SARAF: variants seen among roughly 807,000 people sequenced by gnomAD.
The protein encoded by SARAF is store-operated calcium entry-associated regulatory factor.
Under a neutral mutation model 39.7 loss-of-function variants are expected in SARAF, and 23 were observed. The observed-to-expected ratio is 0.58, with a 90% CI of 0.42 to 0.82. The LOEUF is 0.82. SARAF is among the 40% of genes least tolerant of loss of function. The probability of loss-of-function intolerance (pLI) is 0.00; values close to 1 mark genes in which losing one functional copy is unlikely to be tolerated. For synonymous variants in SARAF, 175 were observed against 168.5 expected (o/e 1.04, Z -0.30); for missense variants, 384 against 418.5 (o/e 0.92, Z 0.72).
intron 1 of SARAF, among the ~76,000 whole-genome samples, chr8:30,081,146 A>G (rs1459775418): frequency 1.3e-5 from 2 of 152,208 alleles, no homozygotes; most frequent in African/African-American, 4.8e-5. Context: ...TCAAAAAAAC[A>G]AAACAAAACA....
Position 30,073,979 on chromosome 8 carries a change from G to T in SARAF, c.180C>A (p.Pro60=). 6.2e-7 allele frequency: 1 copy of T among 1,614,180 alleles called. No homozygotes were observed. Among genetic ancestry groups the T allele is most frequent in the Non-Finnish European group, 8.5e-7 (1 of 1,180,038 alleles). The change falls in exon 2 of 6, where the codon CCC becomes CCA. Residue 60 remains proline, a synonymous_variant. Transcript: ENST00000256255. ...CTCCAACACATTTCAACTGTGGGAT[G>T]GGATCCAGCCTGCGGGAGGTGGTAT... ...DRYTTSRRLD[P]IPQLKCVGGT... is the part of the protein sequence containing the mutation.
intron 1 of SARAF, among the ~76,000 whole-genome samples, chr8:30,074,875 G>A (rs1801923095): frequency 6.6e-6 from 1 of 152,010 alleles, no homozygotes; most frequent in Non-Finnish European, 1.5e-5. Context: ...AAATACTTTA[G>A]GTATTTCATA....
At chr8:30,065,362 T>C (rs1193038097) in intron 5 of SARAF, among the ~76,000 whole-genome samples, 1 of 152,220 alleles carries the variant, frequency 6.6e-6, no homozygotes, top group African/African-American at 2.4e-5. Flanking sequence ...CAAACCAGCA[T>C]TATGAGAATT....
At chr8:30,082,404 G>A (rs574431104) in intron 1 of SARAF, 1 of 156,594 alleles carries the variant, frequency 6.4e-6, no homozygotes, top group Non-Finnish European at 1.4e-5. Flanking sequence ...AGCCCTGTCC[G>A]CTAAGGGTGA....
At chr8:30,064,576 T>TTTTTTTTTTTTTTTTTTTTTTTTTTTTTC (rs1801639549) in intron 5 of SARAF, among the ~76,000 whole-genome samples, 1 of 127,536 alleles carries the variant, frequency 7.8e-6, no homozygotes. Flanking sequence ...TTTTTTTTTT[T>TTTTTTTTTTTTTTTTTTTTTTTTTTTTTC]TTTGAGACAG....
intron 5 of SARAF, among the ~76,000 whole-genome samples, chr8:30,065,252 T>C (rs529414797): frequency 4.6e-5 from 7 of 152,346 alleles, no homozygotes; most frequent in African/African-American, 1.4e-4. Context: ...TCTGTGGCGA[T>C]ATATCTGAGA....
intron 2 of SARAF, 126 bp from the exon 3 acceptor site, chr8:30,070,185 G>A (rs1167563126): frequency 3.8e-6 from 3 of 790,394 alleles, no homozygotes; most frequent in Non-Finnish European, 6.0e-6. Flanking sequence ...CAAGGCGGGT[G>A]GATCACGCGG....
At chr8:30,081,935 T>C (rs1235289161) in intron 1 of SARAF, among the ~76,000 whole-genome samples, 1 of 147,320 alleles carries the variant, frequency 6.8e-6, no homozygotes, top group East Asian at 2.2e-4. Flanking sequence ...TCATGTACCA[T>C]CACTAAAAAA....
chr8:30,077,326 C>T (rs760075536), intron 1 of SARAF, among the ~76,000 whole-genome samples: 1 of 152,080 alleles, frequency 6.6e-6, no homozygotes, highest in Non-Finnish European at 1.5e-5. Context: ...GGTATGGTGG[C>T]ACACACCTGC....
chr8:30,082,013 G>A (rs1802111830), intron 1 of SARAF, among the ~76,000 whole-genome samples: 3 of 152,012 alleles, frequency 2.0e-5, no homozygotes, highest in African/African-American at 7.3e-5. Context: ...GGTGCCGCGC[G>A]ATGTACATCA....
intron 5 of SARAF, among the ~76,000 whole-genome samples, chr8:30,064,561 A>ATATAT (rs1423689069): frequency 2.2e-5 from 1 of 46,236 alleles, no homozygotes; most frequent in African/African-American, 1.1e-4. Context: ...ATATATATAT[A>ATATAT]TTTTTTTTTT....
intron 1 of SARAF, among the ~76,000 whole-genome samples, chr8:30,078,811 T>G (rs1233560535): frequency 6.6e-6 from 1 of 151,954 alleles, no homozygotes; most frequent in Non-Finnish European, 1.5e-5. Flanking sequence ...TGTGGACAAT[T>G]TTTTTTTGAA....
At position 30,069,943 on chromosome 8, in the gene SARAF, C is replaced by G; in HGVS notation, c.399G>C (p.Glu133Asp). 6.2e-7 allele frequency: 1 copy of G among 1,613,906 alleles called. No homozygotes were observed. Among genetic ancestry groups the G allele is most frequent in the Non-Finnish European group, 8.5e-7 (1 of 1,180,034 alleles). ...QYVLRGSCGL[E>D]YNLDYTELGL... ...CAAGTTCTGTATAATCTAAATTATA[C>G]TCCAAGCCACAAGAACCTCTTAGTA... The change falls in exon 3 of 6, where the codon GAG becomes GAC. Residue 133 changes from glutamate to aspartate, a missense_variant. Physicochemically the swap from Glu to Asp is conservative, Grantham distance 45. Coordinates refer to ENST00000256255, the MANE Select transcript of SARAF (RefSeq NM_016127.6).
intron 1 of SARAF, among the ~76,000 whole-genome samples, chr8:30,075,701 T>TC (rs908878818): frequency 1.3e-5 from 2 of 152,160 alleles, no homozygotes; most frequent in African/African-American, 4.8e-5. Flanking sequence ...GTAATAGGCA[T>TC]CGCTTTCTAC....
intron 4 of SARAF, 27 bp from the exon 5 acceptor site, chr8:30,066,166 C>G: frequency 6.4e-7 from 1 of 1,551,772 alleles, no homozygotes; most frequent in South Asian, 1.2e-5. Context: ...GTAGGTTAGG[C>G]ATTTTTTTCT....
chr8:30,073,744 T>C (rs531748910), intron 2 of SARAF, 133 bp downstream of exon 2: 96 of 654,944 alleles, frequency 1.5e-4, no homozygotes, highest in Middle Eastern at 3.9e-4. Flanking sequence ...GGAAGAGTGA[T>C]TGATTTACTT....
intron 3 of SARAF, among the ~76,000 whole-genome samples, chr8:30,069,133 C>CTTTTTTTTT (rs1491510056): frequency 1.1e-5 from 1 of 94,512 alleles, no homozygotes. Flanking sequence ...TTTAATCAGG[C>CTTTTTTTTT]ATTTTTTTTT....
Position 30,069,705 on chromosome 8 carries a change from G to C in SARAF, c.637C>G (p.Arg213Gly). Residue 213 changes from arginine to glycine, a missense_variant, in exon 3 of 6, where the codon CGT (arginine) becomes GGT (glycine). Arg to Gly is a moderately radical substitution (Grantham distance 125). Coordinates refer to ENST00000256255, the MANE Select transcript of SARAF (RefSeq NM_016127.6). ...PYSEYPPFSH[R>G]YQRFTNSAGP... is the part of the protein sequence containing the mutation. Reference sequence around the variant, plus strand: ...GCTGAGTTGGTGAATCTCTGGTAACGGTGGGAAAATGGAGGATACTCAGAG... The same window carrying C: ...GCTGAGTTGGTGAATCTCTGGTAACCGTGGGAAAATGGAGGATACTCAGAG... 1 of 1,614,094 alleles carries C rather than the reference G, an allele frequency of 6.2e-7. No individual in the cohort carries two copies. The highest frequency in any genetic ancestry group is 8.5e-7 in the Non-Finnish European group (1 of 1,180,034).
chr8:30,064,561 A>ATATATATATATTTT (rs1423689069), intron 5 of SARAF, among the ~76,000 whole-genome samples: 1 of 46,228 alleles, frequency 2.2e-5, no homozygotes, highest in African/African-American at 1.1e-4. Context: ...ATATATATAT[A>ATATATATATATTTT]TTTTTTTTTT....
Sources: gnomAD v4.1 joint callset for allele counts (sites outside exome capture counted in the v4.1 genomes callset) on GRCh38, gnomAD v4.1.1 for gene constraint, MANE v1.5 for transcripts, NCBI Gene and HGNC (gene_info 2026-07-23, HGNC 2026-07-21) for gene names.